The following PGM5 variants were observed in gnomAD, a reference collection of about 807,000 sequenced individuals.
PGM5 encodes phosphoglucomutase-like protein 5.
A neutral mutation model predicts 59.2 loss-of-function variants in PGM5; 23 were observed. The ratio of observed to expected loss-of-function variants is 0.39; its 90% CI spans 0.28 to 0.55. The LOEUF is 0.55. PGM5 is among the 20% of genes least tolerant of loss of function. The pLI is 0.66. For synonymous variants in PGM5, 214 were observed against 286.0 expected (o/e 0.75, Z 2.54); for missense variants, 574 against 748.3 (o/e 0.77, Z 2.72).
rs568440252 is a variant in PGM5 at position 68,356,956 on chromosome 9, GGGCGGGCGGTCCCCA to G, written c.-162_-148del. 432 of 537,052 alleles carry G rather than the reference GGGCGGGCGGTCCCCA, an allele frequency of 8.0e-4. 1 individual carries two copies. The highest frequency in any genetic ancestry group is 7.5e-3 in the African/African-American group (374 of 50,058). 33.3% of individuals were successfully genotyped at this position (537,052 alleles called of 1,614,324 possible). ...AGCCGAGCGGCCGCGCGGAGAGGAG[GGGCGGGCGGTCCCCA>G]GGCGGGCGGGTGCAGGGCGCAGGGC... On this transcript the variant is annotated 5_prime_UTR_variant, in exon 1 of 11. Transcript: ENST00000396396.
chr9:68,497,471 G>A (rs1301407881), intron 9 of PGM5: 1 of 152,070 alleles, frequency 6.6e-6, no homozygotes, highest in Non-Finnish European at 1.5e-5. Flanking sequence ...AGAAACTAAA[G>A]CTATTTATTT....
chr9:68,399,668 T>C (rs1822615727), intron 6 of PGM5, among the ~76,000 whole-genome samples: 1 of 152,038 alleles, frequency 6.6e-6, no homozygotes, highest in East Asian at 1.9e-4. Flanking sequence ...TTCTTCTTTT[T>C]AGTCTGATGA....
intron 6 of PGM5, among the ~76,000 whole-genome samples, chr9:68,441,989 C>G (rs1554683714): frequency 6.6e-6 from 1 of 151,974 alleles, no homozygotes; most frequent in Non-Finnish European, 1.5e-5. Flanking sequence ...AAATTAAATA[C>G]TTAGCTGTAA....
chr9:68,402,478 G>A (rs1212565995), intron 6 of PGM5: 1 of 152,198 alleles, frequency 6.6e-6, no homozygotes, highest in Non-Finnish European at 1.5e-5. Flanking sequence ...ATAAACATTG[G>A]TTAGGTTCAG....
chr9:68,469,688 G>A (rs1165107471), intron 7 of PGM5, among the ~76,000 whole-genome samples: 4 of 152,188 alleles, frequency 2.6e-5, no homozygotes, highest in African/African-American at 9.7e-5. Flanking sequence ...CTGAAGACAG[G>A]GCCCATGTCT....
At chr9:68,421,780 C>G (rs1242716203) in intron 6 of PGM5, among the ~76,000 whole-genome samples, 1 of 151,414 alleles carries the variant, frequency 6.6e-6, no homozygotes, top group Non-Finnish European at 1.5e-5. Context: ...CCTGACTGGC[C>G]CCTGACTGAT....
chr9:68,483,734 G>A (rs1459000205), intron 8 of PGM5, 131 bp from the exon 9 acceptor site: 6 of 709,478 alleles, frequency 8.5e-6, no homozygotes, highest in Non-Finnish European at 1.4e-5. Context: ...ATGAAAGAGG[G>A]GAGATGAGTT....
At chr9:68,504,182 A>G (rs1379826034) in intron 10 of PGM5, among the ~76,000 whole-genome samples, 1 of 152,180 alleles carries the variant, frequency 6.6e-6, no homozygotes. Context: ...TGCTTATTGG[A>G]TTCCACCTGA....
intron 3 of PGM5, among the ~76,000 whole-genome samples, chr9:68,384,755 T>C (rs1289426139): frequency 6.7e-6 from 1 of 148,968 alleles, no homozygotes; most frequent in Non-Finnish European, 1.5e-5. Context: ...CTTCCCAAAC[T>C]CGATATCATT....
intron 6 of PGM5, among the ~76,000 whole-genome samples, chr9:68,438,966 G>A (rs114174025): frequency 0.01 from 1,593 of 152,264 alleles, 30 homozygotes; most frequent in African/African-American, 0.036. Context: ...AGGGAGGAAA[G>A]CCTTCATTGC....
intron 10 of PGM5, among the ~76,000 whole-genome samples, chr9:68,513,143 A>G (rs1239640539): frequency 6.6e-6 from 1 of 152,240 alleles, no homozygotes; most frequent in Non-Finnish European, 1.5e-5. Flanking sequence ...CATACACACT[A>G]TAAATTTCAA....
At chr9:68,499,102 A>G in intron 9 of PGM5, 125 bp from the exon 10 acceptor site, 1 of 1,014,026 alleles carries the variant, frequency 9.9e-7, no homozygotes, top group South Asian at 1.5e-5. Context: ...CAGAGCCAAT[A>G]TAAATGGTCT....
At chr9:68,445,906 T>A (rs1172774882) in intron 6 of PGM5, among the ~76,000 whole-genome samples, 1 of 152,226 alleles carries the variant, frequency 6.6e-6, no homozygotes, top group Non-Finnish European at 1.5e-5. Flanking sequence ...CCAAGTGCCT[T>A]TTAAAAGTAA....
chr9:68,504,578 T>G (rs1824626812), intron 10 of PGM5, among the ~76,000 whole-genome samples: 1 of 152,218 alleles, frequency 6.6e-6, no homozygotes. Context: ...CCTTCTGACA[T>G]CTGCATAGCT....
intron 2 of PGM5, among the ~76,000 whole-genome samples, chr9:68,381,547 A>G (rs1441407248): frequency 1.3e-5 from 2 of 151,824 alleles, no homozygotes; most frequent in Non-Finnish European, 2.9e-5. Flanking sequence ...AAAATAAATA[A>G]AAGTCATCCA....
chr9:68,519,481 C>G (rs1824866148), intron 10 of PGM5, among the ~76,000 whole-genome samples: 1 of 151,562 alleles, frequency 6.6e-6, no homozygotes, highest in Non-Finnish European at 1.5e-5. Context: ...GTTGTAGTTT[C>G]TAGGTAACGA....
chr9:68,503,198 A>G (rs1432441867), intron 10 of PGM5, among the ~76,000 whole-genome samples: 1 of 152,214 alleles, frequency 6.6e-6, no homozygotes, highest in East Asian at 1.9e-4. Context: ...TCTAAACCAG[A>G]ATACAGATGC....
intron 1 of PGM5, among the ~76,000 whole-genome samples, chr9:68,373,826 C>T (rs1355166286): frequency 6.6e-6 from 1 of 152,206 alleles, no homozygotes; most frequent in Non-Finnish European, 1.5e-5. Flanking sequence ...GATGGGGACC[C>T]AGTTTCCTTC....
chr9:68,422,675 C>G (rs922392478), intron 6 of PGM5, among the ~76,000 whole-genome samples: 8 of 151,878 alleles, frequency 5.3e-5, no homozygotes, highest in Non-Finnish European at 7.4e-5. Context: ...ATTAGCACAA[C>G]AATAAGAAAA....
Sources: gnomAD v4.1 joint callset for allele counts (sites outside exome capture counted in the v4.1 genomes callset) on GRCh38, gnomAD v4.1.1 for gene constraint, MANE v1.5 for transcripts, NCBI Gene and HGNC (gene_info 2026-07-23, HGNC 2026-07-21) for gene names.